Variants in WDPCP observed in about 807,000 individuals in gnomAD.
WDPCP encodes the protein WD repeat containing planar cell polarity effector, also known as WD repeat-containing and planar cell polarity effector protein fritz homolog.
Under a neutral mutation model 93.1 loss-of-function variants are expected in WDPCP, and 71 were observed. The observed-to-expected ratio is 0.76, with a 90% CI of 0.63 to 0.93. The LOEUF (loss-of-function observed/expected upper bound fraction) is 0.93. Ranked by LOEUF, WDPCP falls within the 40% of genes least tolerant of loss-of-function variation. WDPCP has a pLI of 0.00. For missense variants in WDPCP, 844 were observed against 887.4 expected, an observed-to-expected ratio of 0.95 and a Z score of 0.62; for synonymous variants, 315 against 315.0, an observed-to-expected ratio of 1.00 and a Z score of 0.00.
Position 63,676,780 on chromosome 2 carries a change from T to A in WDPCP, n.309-25942A>T, listed in dbSNP as rs562899407. ...AGGATACAGATGTGAAAAAATTGCA[T>A]AGAACTACACATACACACACACACA... On this transcript the variant is annotated intron_variant and non_coding_transcript_variant, in intron 2 of 4. Coordinates refer to the WDPCP transcript ENST00000467687. Among the ~76,000 whole-genome samples, 6 of 92,544 alleles carry A rather than the reference T, an allele frequency of 6.5e-5. No individual in the cohort carries two copies. The South Asian group carries it at 2.5e-3, about 38-fold the overall frequency. The allele number at this position is 92,544 out of a possible 152,430, so 60.7% of individuals were successfully genotyped here.
chr2:63,170,559 G>A (rs1015870795), intron 15 of WDPCP, among the ~76,000 whole-genome samples: 4 of 152,094 alleles, frequency 2.6e-5, no homozygotes, highest in African/African-American at 4.8e-5. Context: ...GTGAGCCACC[G>A]TGCCTGGCCT....
intron 13 of WDPCP, among the ~76,000 whole-genome samples, chr2:63,262,405 A>C (rs1575007234): frequency 6.6e-6 from 1 of 152,150 alleles, no homozygotes; most frequent in Non-Finnish European, 1.5e-5. Flanking sequence ...AACTCAGTGG[A>C]GCTCTAATCA....
At chr2:63,161,642 T>TCATAATAAATGG (rs1399957106) in intron 15 of WDPCP, among the ~76,000 whole-genome samples, 1 of 151,950 alleles carries the variant, frequency 6.6e-6, no homozygotes, top group African/African-American at 2.4e-5. Context: ...GGGTTGAAAA[T>TCATAATAAATGG]CATAATAAAT....
At chr2:63,313,703 T>G (rs866606266) in intron 12 of WDPCP, among the ~76,000 whole-genome samples, 29 of 151,910 alleles carry the variant, frequency 1.9e-4, no homozygotes, top group African/African-American at 7.0e-4. Context: ...ACTAGGAAGC[T>G]TATTGATTCA....
intron 13 of WDPCP, among the ~76,000 whole-genome samples, chr2:63,302,685 A>G (rs1303529055): frequency 6.6e-6 from 1 of 152,224 alleles, no homozygotes; most frequent in South Asian, 2.1e-4. Flanking sequence ...AGTTTTAATG[A>G]AAAAGGATTT....
intron 12 of WDPCP, among the ~76,000 whole-genome samples, chr2:63,350,522 CCTCT>C: frequency 6.6e-6 from 1 of 152,108 alleles, no homozygotes; most frequent in Admixed American, 6.6e-5. Flanking sequence ...CATACACCCT[CCTCT>C]CTCTAACAGC....
intron 6 of WDPCP, chr2:63,442,655 T>C (rs1697577746): frequency 6.6e-6 from 1 of 152,196 alleles, no homozygotes; most frequent in Admixed American, 6.5e-5. Flanking sequence ...TTTTGTTGCC[T>C]CTCCCATTGG....
At chr2:63,467,396 CT>C (rs1485931320) in intron 6 of WDPCP, among the ~76,000 whole-genome samples, 4 of 151,930 alleles carry the variant, frequency 2.6e-5, no homozygotes, top group Non-Finnish European at 4.4e-5. Context: ...AGGAGAATCA[CT>C]GGAACCCAGG....
intron 2 of WDPCP, among the ~76,000 whole-genome samples, chr2:63,664,225 T>C (rs1288638242): frequency 1.3e-5 from 2 of 152,172 alleles, no homozygotes; most frequent in African/African-American, 4.8e-5. Context: ...TTTCAAACAA[T>C]AGAAACCAAT....
At chr2:63,297,501 T>A (rs963691785) in intron 13 of WDPCP, among the ~76,000 whole-genome samples, 3 of 152,148 alleles carry the variant, frequency 2.0e-5, no homozygotes, top group Non-Finnish European at 4.4e-5. Flanking sequence ...CCATTTCCTC[T>A]ATTATTCTCC....
chr2:63,152,511 A>T (rs1671954863), intron 17 of WDPCP, among the ~76,000 whole-genome samples: 1 of 152,092 alleles, frequency 6.6e-6, no homozygotes, highest in Non-Finnish European at 1.5e-5. Context: ...GCTTCAAGTG[A>T]TCCACCTGCC....
chr2:63,710,579 A>T (rs1443952537), intron 2 of WDPCP, among the ~76,000 whole-genome samples: 2 of 152,196 alleles, frequency 1.3e-5, no homozygotes, highest in Non-Finnish European at 2.9e-5. Flanking sequence ...ATGGACCAAG[A>T]GATCTCTGTA....
intron 6 of WDPCP, among the ~76,000 whole-genome samples, chr2:63,450,794 A>G (rs949577090): frequency 2.6e-5 from 4 of 152,208 alleles, no homozygotes; most frequent in Admixed American, 2.0e-4. Context: ...ACTCAGAATC[A>G]AAGCCAAAAC....
chr2:63,211,745 TAGAA>T (rs1207201890), intron 14 of WDPCP, among the ~76,000 whole-genome samples: 10 of 152,130 alleles, frequency 6.6e-5, no homozygotes, highest in Non-Finnish European at 1.5e-4. Flanking sequence ...AATGGCTAAC[TAGAA>T]TCAACAGTGT....
intron 2 of WDPCP, among the ~76,000 whole-genome samples, chr2:63,725,239 C>T (rs546765703): frequency 4.3e-4 from 65 of 152,248 alleles, no homozygotes; most frequent in Admixed American, 6.5e-4. Flanking sequence ...GTCTATTGTT[C>T]CCTTAGTGTC....
intron 2 of WDPCP, among the ~76,000 whole-genome samples, chr2:63,671,608 T>C (rs753441254): frequency 4.0e-5 from 6 of 151,806 alleles, no homozygotes; most frequent in Non-Finnish European, 8.8e-5. Context: ...AGTGCAGTGG[T>C]GCGATCTCGG....
rs1241300339 is a variant in WDPCP, at chr2:63,309,804, A to C, written c.1812+3444T>G. 5.3e-5 allele frequency among the ~76,000 whole-genome samples: 8 copies of C among 152,066 alleles called. No homozygotes were observed. The South Asian group carries it at 6.2e-4, about 12-fold the overall frequency. On this transcript the variant is annotated intron_variant, in intron 13 of 17. Transcript: ENST00000272321. ...AATAACAGAATTAAAACAAAAAAAA[A>C]CCCCAGTTTCTGGAAATCATGTAAA...
At chr2:63,328,754 CAG>C (rs1225891892) in intron 12 of WDPCP, among the ~76,000 whole-genome samples, 1 of 152,164 alleles carries the variant, frequency 6.6e-6, no homozygotes, top group African/African-American at 2.4e-5. Flanking sequence ...CTTTTTGACA[CAG>C]GGTCTCACTC....
In WDPCP at chr2:63,611,863, T is replaced by C. The variant is rs565076294; in HGVS notation, n.488+38796A>G. ...ATTTGCCCTCTAACTCTGCTGGGAA[T>C]AGACTCGTATTCTAAATCAAACTCA... On this transcript the variant is annotated intron_variant and non_coding_transcript_variant, in intron 3 of 4. Transcript: ENST00000467687. 2.6e-5 allele frequency among the ~76,000 whole-genome samples: 4 copies of C among 152,346 alleles called. No individual in the cohort carries two copies. The East Asian group carries it at 7.7e-4, about 29-fold the overall frequency.
Sources: gnomAD v4.1 joint callset for allele counts (sites outside exome capture counted in the v4.1 genomes callset) on GRCh38, gnomAD v4.1.1 for gene constraint, MANE v1.5 for transcripts, NCBI Gene and HGNC (gene_info 2026-07-23, HGNC 2026-07-21) for gene names.